The following SEC23A variants were observed in gnomAD, a reference collection of about 807,000 sequenced individuals.
SEC23A encodes the protein protein transport protein Sec23A.
SEC23A carries 56 observed loss-of-function variants against 103.7 expected under a neutral mutation model. The observed-to-expected ratio is 0.54, with a 90% CI of 0.44 to 0.67. The LOEUF is 0.67. Ranked by LOEUF, SEC23A falls within the 30% of genes least tolerant of loss-of-function variation. The pLI is 0.00. For missense variants in SEC23A, 784 were observed against 936.4 expected, an observed-to-expected ratio of 0.84 and a Z score of 2.12; for synonymous variants, 281 against 293.0, an observed-to-expected ratio of 0.96 and a Z score of 0.42.
intron 2 of SEC23A, chr14:39,095,069 G>A: frequency 1.5e-6 from 1 of 680,252 alleles, no homozygotes. Context: ...TATTGAAATT[G>A]CCCAGGAAAA....
chr14:39,096,582 T>C (rs1408274496), intron 1 of SEC23A, among the ~76,000 whole-genome samples: 1 of 151,492 alleles, frequency 6.6e-6, no homozygotes, highest in Non-Finnish European at 1.5e-5. Flanking sequence ...AGAAAAAAAT[T>C]AGCAAGCAAC....
At chr14:39,047,215 C>T (rs758571027) in intron 15 of SEC23A, among the ~76,000 whole-genome samples, 3 of 152,192 alleles carry the variant, frequency 2.0e-5, no homozygotes, top group Non-Finnish European at 4.4e-5. Context: ...ATGTCCAGAT[C>T]TCTCTGAAGA....
At chr14:39,087,030 A>C (rs760757676) in intron 5 of SEC23A, 22 bp from the exon 6 acceptor site, 42 of 1,276,918 alleles carry the variant, frequency 3.3e-5, no homozygotes, top group Non-Finnish European at 4.6e-5. Flanking sequence ...TTACTTGTGC[A>C]ATATTCATTT....
In SEC23A at chr14:39,036,923, C is replaced by CAAA. The variant is rs575793443; in HGVS notation, c.2208+2107_2208+2108insTTT. On this transcript the variant is annotated intron_variant, in intron 19 of 19. Transcript: ENST00000307712. ...CTTACACAATGCCACGAATAACCTC[C>CAAA]TAGCCATCAAATCCAAGCACCTTTT... Among the ~76,000 whole-genome samples, 11 of 152,280 alleles carry CAAA rather than the reference C, an allele frequency of 7.2e-5. No individual in the cohort carries two copies. The South Asian group carries it at 2.3e-3, about 32-fold the overall frequency.
At chr14:39,052,920 G>A (rs998678597) in intron 14 of SEC23A, among the ~76,000 whole-genome samples, 1 of 152,192 alleles carries the variant, frequency 6.6e-6, no homozygotes, top group African/African-American at 2.4e-5. Flanking sequence ...TGGACCACCT[G>A]AGGTCAGGAG....
intron 4 of SEC23A, 43 bp downstream of exon 4, chr14:39,092,498 T>A (rs770989547): frequency 8.9e-7 from 1 of 1,126,090 alleles, no homozygotes. Flanking sequence ...TCTTTCAGTA[T>A]AAATTTTAAA....
chr14:39,047,409 C>CGG, intron 15 of SEC23A: 6 of 1,288,906 alleles, frequency 4.7e-6, no homozygotes, highest in Non-Finnish European at 6.1e-6. Flanking sequence ...TCTCCAGGAT[C>CGG]TCACCAGAGG....
In SEC23A at chr14:39,091,362, A is replaced by T. The variant is rs887440228; in HGVS notation, c.603+115T>A. 13 of 734,808 alleles carry T rather than the reference A, an allele frequency of 1.8e-5. No individual in the cohort carries two copies. In the African/African-American group the frequency reaches 2.1e-4, roughly 12 times the overall value. The allele number at this position is 734,808 out of a possible 1,614,324, so 45.5% of individuals were successfully genotyped here. A position where few individuals can be genotyped will look rare whatever the true frequency, so the allele number is the denominator to read the frequency against. ...CTGAATTTAAAGCCTTTGTTATAAT[A>T]CAATTATATTAGTTATTCATAATAA... On this transcript the variant is annotated intron_variant, in intron 5 of 19. Transcript: ENST00000307712.
intron 7 of SEC23A, among the ~76,000 whole-genome samples, chr14:39,077,009 C>T (rs958645123): frequency 2.0e-5 from 3 of 151,222 alleles, no homozygotes; most frequent in Non-Finnish European, 4.4e-5. Flanking sequence ...GGTGGATCAC[C>T]TGAGGGCAAG....
At chr14:39,075,297 C>A (rs1594467303) in intron 8 of SEC23A, among the ~76,000 whole-genome samples, 1 of 152,122 alleles carries the variant, frequency 6.6e-6, no homozygotes, top group East Asian at 1.9e-4. Flanking sequence ...AAGAAAAGCA[C>A]CAACAGTGGC....
chr14:39,033,887 TACTTCAGCA>T (rs1280602187), intron 19 of SEC23A, among the ~76,000 whole-genome samples: 1 of 152,252 alleles, frequency 6.6e-6, no homozygotes, highest in Non-Finnish European at 1.5e-5. Context: ...AATGAAATTT[TACTTCAGCA>T]AGAGAAGGTA....
At chr14:39,053,507 T>C (rs1360067974) in intron 14 of SEC23A, among the ~76,000 whole-genome samples, 4 of 151,544 alleles carry the variant, frequency 2.6e-5, no homozygotes, top group Non-Finnish European at 5.9e-5. Flanking sequence ...AGAGGATTAA[T>C]CTTTCTTGTT....
chr14:39,086,280 T>C (rs925291509), intron 6 of SEC23A, among the ~76,000 whole-genome samples: 9 of 152,224 alleles, frequency 5.9e-5, no homozygotes, highest in Middle Eastern at 3.2e-3. Flanking sequence ...TTTAGGTTAC[T>C]GAAATAATTA....
intron 1 of SEC23A, among the ~76,000 whole-genome samples, chr14:39,099,597 G>T (rs1478990972): frequency 6.6e-6 from 1 of 152,086 alleles, no homozygotes; most frequent in African/African-American, 2.4e-5. Flanking sequence ...ACATTTAGAA[G>T]ATATACATTA....
chr14:39,073,979 G>GA (rs1342153026), intron 9 of SEC23A, among the ~76,000 whole-genome samples: 1 of 152,024 alleles, frequency 6.6e-6, no homozygotes, highest in Admixed American at 6.6e-5. Flanking sequence ...GTGGTGAGAA[G>GA]AAAAAGGAGG....
intron 1 of SEC23A, among the ~76,000 whole-genome samples, chr14:39,101,179 C>T (rs1405530286): frequency 2.0e-5 from 3 of 151,982 alleles, no homozygotes; most frequent in East Asian, 1.9e-4. Flanking sequence ...TGATACAAAA[C>T]ACAAAAGACT....
intron 4 of SEC23A, 87 bp downstream of exon 4, chr14:39,092,454 C>A (rs1465935019): frequency 2.4e-6 from 2 of 826,278 alleles, no homozygotes; most frequent in East Asian, 5.5e-5. Flanking sequence ...GAGAATTAAG[C>A]ATGATTCCTT....
intron 9 of SEC23A, among the ~76,000 whole-genome samples, chr14:39,070,803 G>A (rs1427631883): frequency 6.6e-6 from 1 of 152,136 alleles, no homozygotes; most frequent in Non-Finnish European, 1.5e-5. Flanking sequence ...ATGGCAGGTG[G>A]ATCACCTGAG....
chr14:39,084,031 T>A (rs969177384), intron 7 of SEC23A, among the ~76,000 whole-genome samples: 1 of 152,074 alleles, frequency 6.6e-6, no homozygotes, highest in Non-Finnish European at 1.5e-5. Flanking sequence ...TTTGTTTTGT[T>A]TTGTTTTTGA....
Sources: allele counts gnomAD v4.1 joint callset (sites outside exome capture counted in the v4.1 genomes callset), GRCh38; gene constraint gnomAD v4.1.1; transcripts MANE v1.5; gene names NCBI Gene and HGNC (gene_info 2026-07-23, HGNC 2026-07-21).